Variants in SUSD4 observed in about 807,000 individuals in gnomAD.
The protein encoded by SUSD4 is sushi domain containing 4, also known as sushi domain-containing protein 4.
Under a neutral mutation model 50.5 loss-of-function variants are expected in SUSD4, and 41 were observed. The observed-to-expected ratio is 0.81, with a 90% CI of 0.63 to 1.05. SUSD4 has a LOEUF of 1.05. Among genes scored for constraint, SUSD4 ranks in the 50% least tolerant of loss-of-function variants. The probability of loss-of-function intolerance (pLI) is 0.00; values close to 1 mark genes in which losing one functional copy is unlikely to be tolerated. For synonymous variants in SUSD4, 257 were observed against 257.3 expected, an observed-to-expected ratio of 1.00 and a Z score of 0.01; for missense variants, 580 against 634.7, an observed-to-expected ratio of 0.91 and a Z score of 0.93.
Position 223,332,408 on chromosome 1 carries a change from G to A in SUSD4, c.148+30870C>T, listed in dbSNP as rs561619732. 6.6e-6 allele frequency among the ~76,000 whole-genome samples: 1 copy of A among 152,234 alleles called. No individual in the cohort carries two copies. The highest frequency in any genetic ancestry group is 2.1e-4 in the South Asian group (1 of 4,820). On this transcript the variant is annotated intron_variant, in intron 2 of 8. Coordinates refer to ENST00000366878, the MANE Select transcript of SUSD4 (RefSeq NM_017982.4). The surrounding 1 kb of genome is among the most constrained non-coding windows in gnomAD (Gnocchi z 4.0). ...CAAAAGGATTAAATTGCTTTGGTGA[G>A]GTCTCTTACAAAAATTGGATATTTA... is the stretch of plus-strand genomic sequence containing the variant.
At chr1:223,319,440 A>G (rs1006827769) in intron 2 of SUSD4, among the ~76,000 whole-genome samples, 5 of 152,002 alleles carry the variant, frequency 3.3e-5, no homozygotes, top group Admixed American at 3.3e-4. Flanking sequence ...TCTACAATGA[A>G]CTCAAACAAA....
At chr1:223,258,313 C>T (rs1399255529) in intron 5 of SUSD4, among the ~76,000 whole-genome samples, 2 of 152,212 alleles carry the variant, frequency 1.3e-5, no homozygotes, top group African/African-American at 4.8e-5. Context: ...AAATTGGAAC[C>T]TTTCAAGTCA....
chr1:223,290,397 C>T (rs1174889840), intron 3 of SUSD4, among the ~76,000 whole-genome samples: 1 of 152,198 alleles, frequency 6.6e-6, no homozygotes, highest in Non-Finnish European at 1.5e-5. Context: ...GCAACACAAA[C>T]AATCTCTTTA....
chr1:223,258,213 G>A (rs1661838608), intron 5 of SUSD4, among the ~76,000 whole-genome samples: 4 of 152,260 alleles, frequency 2.6e-5, no homozygotes, highest in South Asian at 2.1e-4. Context: ...GTACCTGAAC[G>A]TGTTTTGACT....
chr1:223,349,449 G>C (rs866357144), intron 2 of SUSD4, among the ~76,000 whole-genome samples: 4 of 152,162 alleles, frequency 2.6e-5, no homozygotes, highest in South Asian at 4.1e-4. Flanking sequence ...GTGTCTAGCA[G>C]TAGTTTGATT....
At chr1:223,358,417 G>A (rs757649601) in intron 2 of SUSD4, among the ~76,000 whole-genome samples, 28 of 152,370 alleles carry the variant, frequency 1.8e-4, no homozygotes, top group South Asian at 1.0e-3. Context: ...TTTAAGGACA[G>A]AGGCTGAACT....
intron 2 of SUSD4, among the ~76,000 whole-genome samples, chr1:223,323,752 G>T (rs922992268): frequency 6.6e-6 from 1 of 152,096 alleles, no homozygotes; most frequent in African/African-American, 2.4e-5. Context: ...AAAGGGCAAG[G>T]ACTCAGGAGA....
intron 5 of SUSD4, 129 bp downstream of exon 5, chr1:223,264,501 A>G: frequency 6.2e-6 from 9 of 1,440,998 alleles, no homozygotes; most frequent in Non-Finnish European, 8.2e-6. Flanking sequence ...GCTCTGGAGA[A>G]AAGTGAGAAA....
intron 5 of SUSD4, chr1:223,235,087 T>C (rs1360237673): frequency 6.2e-7 from 1 of 1,603,286 alleles, no homozygotes; most frequent in Non-Finnish European, 8.5e-7. Flanking sequence ...GGAAAAGATG[T>C]TCAGGTCTTC....
chr1:223,342,867 A>G (rs1667833693), intron 2 of SUSD4, among the ~76,000 whole-genome samples: 1 of 152,220 alleles, frequency 6.6e-6, no homozygotes. Context: ...GGCAGAAACC[A>G]TAGAGAAAAA....
At chr1:223,349,734 C>T (rs1425077468) in intron 2 of SUSD4, among the ~76,000 whole-genome samples, 1 of 152,184 alleles carries the variant, frequency 6.6e-6, no homozygotes, top group Non-Finnish European at 1.5e-5. Context: ...CAGAACTGAG[C>T]TCCGGCATCA....
intron 2 of SUSD4, among the ~76,000 whole-genome samples, chr1:223,319,368 A>G (rs549002644): frequency 1.3e-5 from 2 of 149,594 alleles, no homozygotes; most frequent in East Asian, 4.0e-4. Flanking sequence ...TGAACAGGCA[A>G]CCTACAACAT....
At chr1:223,248,796 G>A (rs1308717031) in intron 5 of SUSD4, among the ~76,000 whole-genome samples, 1 of 152,064 alleles carries the variant, frequency 6.6e-6, no homozygotes, top group East Asian at 1.9e-4. Context: ...ACTACGTTAG[G>A]ATGTCCCTGA....
At chr1:223,255,664 G>A (rs1249874845) in intron 5 of SUSD4, among the ~76,000 whole-genome samples, 9 of 152,162 alleles carry the variant, frequency 5.9e-5, no homozygotes, top group Non-Finnish European at 1.0e-4. Flanking sequence ...TAGAGGAGGC[G>A]AGGGAAGGGC....
At chr1:223,278,242 A>C (rs1261172314) in intron 3 of SUSD4, among the ~76,000 whole-genome samples, 1 of 152,120 alleles carries the variant, frequency 6.6e-6, no homozygotes, top group African/African-American at 2.4e-5. Context: ...CAGCCCACCG[A>C]GTGTGAGCCA....
In SUSD4 at chr1:223,223,371, T is replaced by C. The variant is rs1659260801; in HGVS notation, c.1322A>G (p.Gln441Arg). Reference sequence around the variant, plus strand: ...GCACCTGGGAGGTGAATACAGACTTTGGAGCAGCTCAGAAGAGCCTGAGAC... The same window carrying C: ...GCACCTGGGAGGTGAATACAGACTTCGGAGCAGCTCAGAAGAGCCTGAGAC... ...DSVSGSSELL[Q>R]SLYSPPRCQE... Residue 441 changes from glutamine (Q) to arginine (R), a missense_variant, in exon 8 of 9, where the codon CAA becomes CGA. Physicochemically the swap from Gln to Arg is conservative, Grantham distance 43. Coordinates refer to ENST00000366878, the MANE Select transcript of SUSD4 (RefSeq NM_017982.4). 1 of 1,613,778 alleles carries C rather than the reference T, an allele frequency of 6.2e-7. No homozygotes were observed. Among genetic ancestry groups the C allele is most frequent in the Non-Finnish European group, 8.5e-7 (1 of 1,179,838 alleles).
chr1:223,232,443 G>A (rs1050956315), intron 5 of SUSD4, among the ~76,000 whole-genome samples: 2 of 152,220 alleles, frequency 1.3e-5, no homozygotes, highest in Non-Finnish European at 2.9e-5. Context: ...CACAGAGCAG[G>A]AAGGCACTTC....
chr1:223,361,549 G>A (rs906800629), intron 2 of SUSD4, among the ~76,000 whole-genome samples: 2 of 152,122 alleles, frequency 1.3e-5, no homozygotes, highest in Admixed American at 6.5e-5. Flanking sequence ...TCATAAGACC[G>A]AGGTGGCCAT....
chr1:223,331,432 G>A (rs1190550235), intron 2 of SUSD4, among the ~76,000 whole-genome samples: 1 of 152,094 alleles, frequency 6.6e-6, no homozygotes, highest in Non-Finnish European at 1.5e-5. Flanking sequence ...TGCCAACAAA[G>A]CTCTGTCATT....
Sources: gnomAD v4.1 joint callset for allele counts (sites outside exome capture counted in the v4.1 genomes callset) on GRCh38, gnomAD v4.1.1 for gene constraint, Gnocchi (gnomAD v3.1) non-coding constraint, MANE v1.5 for transcripts, NCBI Gene and HGNC (gene_info 2026-07-23, HGNC 2026-07-21) for gene names.